Variants in HMGB1 observed in about 807,000 individuals in gnomAD.
HMGB1 encodes high mobility group protein B1.
For synonymous variants in HMGB1, 81 were observed against 84.0 expected (o/e 0.96, Z 0.19); for missense variants, 79 against 253.5 (o/e 0.31, Z 4.67).
chr13:30,515,595 T>C (rs1888085127), intron 1 of HMGB1, among the ~76,000 whole-genome samples: 1 of 152,142 alleles, frequency 6.6e-6, no homozygotes. Context: ...CAGCTGGCCT[T>C]TTCTGCCTAT....
At chr13:30,593,451 G>A (rs1419365829) in intron 1 of HMGB1, among the ~76,000 whole-genome samples, 2 of 152,166 alleles carry the variant, frequency 1.3e-5, no homozygotes, top group Non-Finnish European at 2.9e-5. Context: ...CTTTTGGGGA[G>A]CCCGAGTTCA....
At chr13:30,514,858 T>C (rs896910737) in intron 1 of HMGB1, among the ~76,000 whole-genome samples, 1 of 152,182 alleles carries the variant, frequency 6.6e-6, no homozygotes, top group Non-Finnish European at 1.5e-5. Context: ...CACTTTGTGG[T>C]AGGCGGAACT....
intron 1 of HMGB1, among the ~76,000 whole-genome samples, chr13:30,509,893 G>C (rs1308756863): frequency 6.6e-6 from 1 of 152,146 alleles, no homozygotes. Flanking sequence ...ATCTCTGGAG[G>C]TTACCTAATC....
chr13:30,485,682 T>G (rs1313427950), intron 1 of HMGB1, among the ~76,000 whole-genome samples: 1 of 152,184 alleles, frequency 6.6e-6, no homozygotes, highest in East Asian at 1.9e-4. Context: ...GGAAGATAAG[T>G]CATGAAAAGC....
chr13:30,561,365 A>C (rs1869944546), intron 1 of HMGB1, among the ~76,000 whole-genome samples: 1 of 152,268 alleles, frequency 6.6e-6, no homozygotes, highest in Admixed American at 6.5e-5. Flanking sequence ...GAATAGGAGA[A>C]GTTCCCCAGG....
intron 1 of HMGB1, among the ~76,000 whole-genome samples, chr13:30,520,411 G>T (rs1888211070): frequency 6.6e-6 from 1 of 152,036 alleles, no homozygotes; most frequent in Admixed American, 6.6e-5. Context: ...CTTGAGGCCA[G>T]GAGTTTGGGA....
chr13:30,493,134 T>C (rs1277701209), intron 1 of HMGB1, among the ~76,000 whole-genome samples: 3 of 152,126 alleles, frequency 2.0e-5, no homozygotes, highest in Non-Finnish European at 4.4e-5. Context: ...TGTAGGTTTA[T>C]TTGTAATAGT....
At chr13:30,505,400 C>G (rs9508762) in intron 1 of HMGB1, among the ~76,000 whole-genome samples, 135,497 of 150,442 alleles carry the variant, frequency 0.9, 61,506 homozygotes, top group Non-Finnish European at 0.95. Flanking sequence ...GGATGGTCTC[C>G]ATCTCCTGAC....
At chr13:30,552,500 C>T (rs1869473036) in intron 1 of HMGB1, among the ~76,000 whole-genome samples, 1 of 152,220 alleles carries the variant, frequency 6.6e-6, no homozygotes, top group South Asian at 2.1e-4. Flanking sequence ...CTTCTCCCCA[C>T]ACCCCCTCTC....
intron 1 of HMGB1, among the ~76,000 whole-genome samples, chr13:30,580,089 C>G (rs967159258): frequency 1.8e-4 from 28 of 152,198 alleles, no homozygotes; most frequent in African/African-American, 6.8e-4. Flanking sequence ...TACAAAGAGA[C>G]AGTGAGACAA....
At chr13:30,547,479 T>C (rs1869213569) in intron 1 of HMGB1, among the ~76,000 whole-genome samples, 1 of 152,182 alleles carries the variant, frequency 6.6e-6, no homozygotes, top group Non-Finnish European at 1.5e-5. Context: ...ATTCCATAGA[T>C]GCTAAACCTC....
intron 1 of HMGB1, among the ~76,000 whole-genome samples, chr13:30,604,481 G>C (rs541912197): frequency 2.6e-5 from 4 of 152,272 alleles, no homozygotes; most frequent in South Asian, 4.1e-4. Context: ...GCAGGTAGAA[G>C]CTAGGGATGC....
chr13:30,464,836 G>T (rs1159038995), intron 1 of HMGB1: 1 of 156,402 alleles, frequency 6.4e-6, no homozygotes, highest in South Asian at 2.1e-4. Flanking sequence ...GGCGGCGGCG[G>T]GCGGGGTGCG....
intron 1 of HMGB1, chr13:30,464,997 CGCGCGGG>C: frequency 1.2e-5 from 2 of 169,282 alleles, no homozygotes; most frequent in Non-Finnish European, 2.2e-5. Flanking sequence ...CGTCTCCCTC[CGCGCGGG>C]CCGCGCGCCC....
At chr13:30,522,650 G>C (rs1888266199) in intron 1 of HMGB1, among the ~76,000 whole-genome samples, 1 of 152,068 alleles carries the variant, frequency 6.6e-6, no homozygotes, top group African/African-American at 2.4e-5. Flanking sequence ...CATATTTTTG[G>C]TTTGCAGCAG....
intron 1 of HMGB1, among the ~76,000 whole-genome samples, chr13:30,599,612 C>T (rs1365922073): frequency 6.6e-6 from 1 of 152,196 alleles, no homozygotes; most frequent in East Asian, 1.9e-4. Context: ...AGGCCTCTCT[C>T]CTTAACTTGC....
intron 1 of HMGB1, among the ~76,000 whole-genome samples, chr13:30,552,519 C>A (rs542004179): frequency 6.6e-6 from 1 of 152,218 alleles, no homozygotes; most frequent in Non-Finnish European, 1.5e-5. Context: ...TCTGTCCACA[C>A]ACAGAATACA....
chr13:30,512,772 G>A (rs184409341), intron 1 of HMGB1, among the ~76,000 whole-genome samples: 73 of 152,286 alleles, frequency 4.8e-4, no homozygotes, highest in African/African-American at 1.7e-3. Flanking sequence ...TAAACTGACC[G>A]AGGTAAATGT....
intron 1 of HMGB1, among the ~76,000 whole-genome samples, chr13:30,473,614 A>T (rs532596246): frequency 6.6e-6 from 1 of 152,322 alleles, no homozygotes; most frequent in Non-Finnish European, 1.5e-5. Flanking sequence ...AGCATGGGTG[A>T]GCATGTGGAG....
Sources: allele counts gnomAD v4.1 joint callset (sites outside exome capture counted in the v4.1 genomes callset), GRCh38; gene constraint gnomAD v4.1.1; transcripts MANE v1.5; gene names NCBI Gene and HGNC (gene_info 2026-07-23, HGNC 2026-07-21).